The following TMEM132D variants were observed in gnomAD, a reference collection of about 807,000 sequenced individuals.
The protein encoded by TMEM132D is mature OL transmembrane protein.
In TMEM132D, 21 loss-of-function variants were observed where a neutral mutation model predicts 62.3. That is an observed-to-expected ratio of 0.34 (90% CI 0.24 to 0.49). TMEM132D has a LOEUF of 0.49. Ranked by LOEUF, TMEM132D falls within the 20% of genes least tolerant of loss-of-function variation. The probability of loss-of-function intolerance (pLI) is 0.99; values close to 1 mark genes in which losing one functional copy is unlikely to be tolerated. For missense variants in TMEM132D, 1,346 were observed against 1,402.8 expected (o/e 0.96, Z 0.65); for synonymous variants, 621 against 575.6 (o/e 1.08, Z -1.13).
At chr12:129,787,705 C>T (rs1489849492) in intron 1 of TMEM132D, among the ~76,000 whole-genome samples, 1 of 152,138 alleles carries the variant, frequency 6.6e-6, no homozygotes, top group Non-Finnish European at 1.5e-5. Flanking sequence ...ATTTCATCAA[C>T]AGGACAAAGC....
At chr12:129,523,837 T>C (rs1875929125) in intron 3 of TMEM132D, among the ~76,000 whole-genome samples, 1 of 152,190 alleles carries the variant, frequency 6.6e-6, no homozygotes, top group African/African-American at 2.4e-5. Context: ...CCAGGCCATA[T>C]GCTTGAATTA....
At chr12:129,131,019 T>G (rs1156969560) in intron 5 of TMEM132D, among the ~76,000 whole-genome samples, 1 of 152,046 alleles carries the variant, frequency 6.6e-6, no homozygotes, top group Non-Finnish European at 1.5e-5. Flanking sequence ...ACCAAGGTGT[T>G]TTTCTGTGCC....
intron 1 of TMEM132D, among the ~76,000 whole-genome samples, chr12:129,755,468 C>G (rs1870137397): frequency 6.6e-6 from 1 of 152,182 alleles, no homozygotes; most frequent in Non-Finnish European, 1.5e-5. Context: ...TGCCCTTAGA[C>G]TATCAGAGGT....
chr12:129,633,737 G>A (rs566159222), intron 2 of TMEM132D, among the ~76,000 whole-genome samples: 2 of 152,134 alleles, frequency 1.3e-5, no homozygotes, highest in East Asian at 1.9e-4. Flanking sequence ...AACGGTCCCC[G>A]GGCCTGACAG....
At chr12:129,802,764 A>G (rs1018882751) in intron 1 of TMEM132D, among the ~76,000 whole-genome samples, 16 of 151,590 alleles carry the variant, frequency 1.1e-4, no homozygotes, top group Non-Finnish European at 1.5e-4. Context: ...AAGAGTCAAG[A>G]CCCATCAGTG....
At chr12:129,875,847 C>G (rs1874401780) in intron 1 of TMEM132D, among the ~76,000 whole-genome samples, 1 of 152,186 alleles carries the variant, frequency 6.6e-6, no homozygotes. Context: ...AAGAAAACAA[C>G]ACCAACAAAA....
intron 3 of TMEM132D, among the ~76,000 whole-genome samples, chr12:129,369,897 G>T (rs1436143092): frequency 1.3e-5 from 2 of 152,202 alleles, no homozygotes; most frequent in Non-Finnish European, 1.5e-5. Context: ...TAAGGATATG[G>T]TACCGGGGAA....
chr12:129,399,333 A>C (rs1334308553), intron 3 of TMEM132D, among the ~76,000 whole-genome samples: 1 of 117,104 alleles, frequency 8.5e-6, no homozygotes, highest in African/African-American at 3.1e-5. Context: ...ACAACAACCA[A>C]CCCATTCCCA....
chr12:129,278,850 T>C (rs911154021), intron 4 of TMEM132D, among the ~76,000 whole-genome samples: 1 of 152,182 alleles, frequency 6.6e-6, no homozygotes, highest in African/African-American at 2.4e-5. Flanking sequence ...TATTTAGATA[T>C]CATTTTCTTC....
At chr12:129,200,798 C>T (rs1373037785) in intron 5 of TMEM132D, among the ~76,000 whole-genome samples, 1 of 152,226 alleles carries the variant, frequency 6.6e-6, no homozygotes, top group Admixed American at 6.5e-5. Context: ...TGAAGCACTC[C>T]ACCAGGGATG....
intron 3 of TMEM132D, among the ~76,000 whole-genome samples, chr12:129,394,428 G>A (rs1028137113): frequency 2.0e-5 from 3 of 152,188 alleles, no homozygotes; most frequent in Non-Finnish European, 2.9e-5. Context: ...CAGTTGGCTC[G>A]AAAATGACAG....
intron 4 of TMEM132D, among the ~76,000 whole-genome samples, chr12:129,260,778 T>C (rs796113021): frequency 3.3e-5 from 5 of 151,716 alleles, no homozygotes; most frequent in African/African-American, 7.2e-5. Flanking sequence ...TGGTTTTCCA[T>C]TTCTGAGCTA....
chr12:129,081,210 G>T (rs1011279277), intron 7 of TMEM132D, among the ~76,000 whole-genome samples: 1 of 152,214 alleles, frequency 6.6e-6, no homozygotes, highest in African/African-American at 2.4e-5. Context: ...TGTTTCAAGC[G>T]TGAGCCACCA....
At chr12:129,699,771 C>A (rs553222455) in intron 2 of TMEM132D, 39 bp downstream of exon 2, 3 of 1,596,108 alleles carry the variant, frequency 1.9e-6, no homozygotes, top group Non-Finnish European at 2.6e-6. Flanking sequence ...ACCACCTGAT[C>A]GACGGGCGGG....
At chr12:129,629,132 A>G (rs999103393) in intron 2 of TMEM132D, among the ~76,000 whole-genome samples, 1 of 151,780 alleles carries the variant, frequency 6.6e-6, no homozygotes, top group Non-Finnish European at 1.5e-5. Flanking sequence ...GCCTTCTACC[A>G]TGGTGCCTTT....
Position 129,531,216 on chromosome 12 carries a change from C to T in TMEM132D, c.969-11G>A. 1 of 1,603,436 alleles carries T rather than the reference C, an allele frequency of 6.2e-7. No homozygotes were observed. Among genetic ancestry groups the T allele is most frequent in the Non-Finnish European group, 8.5e-7 (1 of 1,174,196 alleles). On this transcript the variant is annotated splice_polypyrimidine_tract_variant and intron_variant, in intron 2 of 8. Transcript: ENST00000422113. ...TTCTTCACCTTTGCCCTGTTGGAGA[C>T]AGCACGTGTGGGTCTGAGTCAGCTC...
chr12:129,439,103 A>G (rs1270466672), intron 3 of TMEM132D, among the ~76,000 whole-genome samples: 1 of 152,190 alleles, frequency 6.6e-6, no homozygotes, highest in Non-Finnish European at 1.5e-5. Flanking sequence ...CTCGACAGTC[A>G]ATGTTGCTGG....
At chr12:129,838,444 T>C (rs1016436603) in intron 1 of TMEM132D, among the ~76,000 whole-genome samples, 2 of 152,202 alleles carry the variant, frequency 1.3e-5, no homozygotes, top group Admixed American at 6.5e-5. Flanking sequence ...AGTTCAGGCA[T>C]TGCACTTTTC....
chr12:129,451,238 T>C (rs1161081280), intron 3 of TMEM132D, among the ~76,000 whole-genome samples: 1 of 151,726 alleles, frequency 6.6e-6, no homozygotes, highest in Non-Finnish European at 1.5e-5. Flanking sequence ...TAGAAAAGAG[T>C]TTTTAAAAAA....
Sources: allele counts gnomAD v4.1 joint callset (sites outside exome capture counted in the v4.1 genomes callset), GRCh38; gene constraint gnomAD v4.1.1; transcripts MANE v1.5; gene names NCBI Gene and HGNC (gene_info 2026-07-23, HGNC 2026-07-21).